Variants in PTPRD observed in about 807,000 individuals in gnomAD.
PTPRD encodes receptor-type tyrosine-protein phosphatase delta.
In PTPRD, 34 loss-of-function variants were observed where a neutral mutation model predicts 214.5. The ratio of observed to expected loss-of-function variants is 0.16; its 90% CI spans 0.12 to 0.21. The LOEUF is 0.21. Ranked by LOEUF, PTPRD falls within the 10% of genes least tolerant of loss-of-function variation. PTPRD has a pLI of 1.00. For synonymous variants in PTPRD, 1,128 were observed against 845.7 expected (o/e 1.33, Z -5.79); for missense variants, 2,545 against 2,398.7 (o/e 1.06, Z -1.27).
intron 3 of PTPRD, among the ~76,000 whole-genome samples, chr9:10,248,523 A>AAAAC (rs2092437793): frequency 7.3e-5 from 3 of 41,242 alleles, no homozygotes; most frequent in African/African-American, 1.5e-4. Context: ...AAAAAAAAAA[A>AAAAC]AAATAAAAAA....
chr9:8,355,600 C>T (rs1302766241), intron 39 of PTPRD, among the ~76,000 whole-genome samples: 2 of 152,194 alleles, frequency 1.3e-5, no homozygotes, highest in African/African-American at 2.4e-5. Flanking sequence ...GAGACTGTGA[C>T]ACCAAAGAGC....
chr9:9,469,229 T>C (rs1363528278), intron 8 of PTPRD, among the ~76,000 whole-genome samples: 1 of 152,122 alleles, frequency 6.6e-6, no homozygotes, highest in Non-Finnish European at 1.5e-5. Context: ...TATTATTAAA[T>C]TCATGTGCTT....
intron 8 of PTPRD, among the ~76,000 whole-genome samples, chr9:9,566,382 A>T (rs371880732): frequency 2.1e-4 from 32 of 152,168 alleles, no homozygotes; most frequent in African/African-American, 7.5e-4. Context: ...ACTCAAGAGC[A>T]CAGCAATAAG....
chr9:10,447,798 T>C (rs1588383461), intron 2 of PTPRD, among the ~76,000 whole-genome samples: 1 of 151,950 alleles, frequency 6.6e-6, no homozygotes, highest in Non-Finnish European at 1.5e-5. Context: ...TACTGCTCTA[T>C]TATTCTATGC....
At chr9:8,349,816 G>A (rs902103689) in intron 39 of PTPRD, among the ~76,000 whole-genome samples, 1 of 152,092 alleles carries the variant, frequency 6.6e-6, no homozygotes, top group African/African-American at 2.4e-5. Flanking sequence ...TATCCCTAAA[G>A]TAAAATCAAC....
chr9:10,277,180 A>G (rs1190911600), intron 3 of PTPRD, among the ~76,000 whole-genome samples: 1 of 152,228 alleles, frequency 6.6e-6, no homozygotes, highest in East Asian at 1.9e-4. Flanking sequence ...GTTTAGTAAA[A>G]AAACAACATA....
At chr9:9,158,859 C>G (rs2099883681) in intron 10 of PTPRD, among the ~76,000 whole-genome samples, 1 of 152,086 alleles carries the variant, frequency 6.6e-6, no homozygotes. Context: ...AATCATTCAC[C>G]ATGATCAAGT....
intron 3 of PTPRD, among the ~76,000 whole-genome samples, chr9:10,335,623 C>T (rs1308151018): frequency 6.6e-6 from 1 of 151,348 alleles, no homozygotes. Context: ...AAAATTCCAG[C>T]TGAAAAAAGA....
At chr9:9,776,786 A>T (rs2098801826) in intron 5 of PTPRD, among the ~76,000 whole-genome samples, 1 of 152,212 alleles carries the variant, frequency 6.6e-6, no homozygotes. Flanking sequence ...ATAGTCTCAT[A>T]AAGCACTATT....
chr9:9,277,745 T>C (rs1946215035), intron 9 of PTPRD, among the ~76,000 whole-genome samples: 1 of 151,348 alleles, frequency 6.6e-6, no homozygotes, highest in Admixed American at 6.6e-5. Context: ...CTTTGAAGAA[T>C]ATTCCAGGCA....
intron 12 of PTPRD, among the ~76,000 whole-genome samples, chr9:8,649,087 A>G (rs1368231868): frequency 6.6e-6 from 1 of 152,242 alleles, no homozygotes; most frequent in Non-Finnish European, 1.5e-5. Context: ...AAAAATAAAG[A>G]ACAATGCCAT....
chr9:9,477,594 A>G (rs968778358), intron 8 of PTPRD, among the ~76,000 whole-genome samples: 2 of 152,200 alleles, frequency 1.3e-5, no homozygotes, highest in Admixed American at 1.3e-4. Context: ...TTCCAAGTTG[A>G]AAGGGTAAGA....
chr9:8,706,745 A>C (rs1173492822), intron 12 of PTPRD, among the ~76,000 whole-genome samples: 1 of 152,202 alleles, frequency 6.6e-6, no homozygotes, highest in Non-Finnish European at 1.5e-5. Context: ...CTAATTGCCA[A>C]GAGTCAGGGT....
intron 2 of PTPRD, among the ~76,000 whole-genome samples, chr9:10,568,540 C>T (rs1320051430): frequency 6.6e-6 from 1 of 151,932 alleles, no homozygotes; most frequent in Non-Finnish European, 1.5e-5. Flanking sequence ...AGGAATCGCC[C>T]CACTGACTTC....
intron 2 of PTPRD, among the ~76,000 whole-genome samples, chr9:10,398,571 C>T (rs917645316): frequency 1.3e-5 from 2 of 151,910 alleles, no homozygotes; most frequent in African/African-American, 4.8e-5. Context: ...GATATGGACC[C>T]TGGCACTATA....
At chr9:10,482,485 A>G (rs1002626767) in intron 2 of PTPRD, among the ~76,000 whole-genome samples, 3 of 146,520 alleles carry the variant, frequency 2.0e-5, no homozygotes, top group African/African-American at 7.6e-5. Context: ...AAATCAAATT[A>G]TCTATTTGCC....
chr9:10,410,619 C>G (rs1445939555), intron 2 of PTPRD, among the ~76,000 whole-genome samples: 1 of 151,388 alleles, frequency 6.6e-6, no homozygotes, highest in Non-Finnish European at 1.5e-5. Context: ...ATTTAAATAA[C>G]TGAAAAAAAG....
intron 10 of PTPRD, among the ~76,000 whole-genome samples, chr9:9,056,683 G>A (rs145046358): frequency 0.012 from 1,796 of 152,268 alleles, 13 homozygotes; most frequent in Non-Finnish European, 0.015. Flanking sequence ...GAATAAGGTT[G>A]TGCTTATAAG....
intron 2 of PTPRD, among the ~76,000 whole-genome samples, chr9:10,565,602 C>G (rs751213454): frequency 6.6e-6 from 1 of 152,052 alleles, no homozygotes; most frequent in Non-Finnish European, 1.5e-5. Flanking sequence ...TAAACACACA[C>G]AAACACACCC....
Sources: gnomAD v4.1 joint callset for allele counts (sites outside exome capture counted in the v4.1 genomes callset) on GRCh38, gnomAD v4.1.1 for gene constraint, MANE v1.5 for transcripts, NCBI Gene and HGNC (gene_info 2026-07-23, HGNC 2026-07-21) for gene names.